Variants in WDR64 observed in about 807,000 individuals in gnomAD.
WDR64 encodes the protein WD repeat domain 64, also known as WD repeat-containing protein 64.
WDR64 carries 112 observed loss-of-function variants against 139.3 expected under a neutral mutation model. The ratio of observed to expected loss-of-function variants is 0.80; its 90% CI spans 0.69 to 0.94. The LOEUF (loss-of-function observed/expected upper bound fraction) is 0.94. WDR64 is among the 40% of genes least tolerant of loss of function. WDR64 has a pLI of 0.00. For missense variants in WDR64, 1,206 were observed against 1,293.1 expected (o/e 0.93, Z 1.03); for synonymous variants, 444 against 437.7 (o/e 1.01, Z -0.18).
At chr1:241,762,241 G>A (rs1019359154) in intron 15 of WDR64, among the ~76,000 whole-genome samples, 2 of 152,104 alleles carry the variant, frequency 1.3e-5, no homozygotes, top group African/African-American at 2.4e-5. Flanking sequence ...CAACATTCAC[G>A]TTGTACATCT....
Position 241,801,117 on chromosome 1 carries a change from C to T in WDR64, c.3193-15C>T, listed in dbSNP as rs367643821. 3 of 1,610,472 alleles carry T rather than the reference C, an allele frequency of 1.9e-6. No homozygotes were observed. Among genetic ancestry groups the T allele is most frequent in the Non-Finnish European group, 2.5e-6 (3 of 1,177,356 alleles). The stretch of plus-strand genomic sequence containing the variant: ...AGAATGCCAGTTACTAACTGACATG[C>T]TCTTTATTTCACAGGCACCACGAAG... On this transcript the variant is annotated splice_polypyrimidine_tract_variant and intron_variant, in intron 27 of 27. Coordinates refer to ENST00000437684, the MANE Select transcript of WDR64 (RefSeq NM_001367482.1).
chr1:241,790,906 G>A (rs749631137), intron 25 of WDR64, among the ~76,000 whole-genome samples: 1 of 152,088 alleles, frequency 6.6e-6, no homozygotes, highest in African/African-American at 2.4e-5. Flanking sequence ...CTATACTGAG[G>A]TGTCACCTGA....
At position 241,671,109 on chromosome 1, in the gene WDR64, T is replaced by G. The variant is rs1247982798; in HGVS notation, c.312T>G (p.Ile104Met). Residue 104 changes from isoleucine (I) to methionine (M), a missense_variant, in exon 3 of 28, where the codon ATT (isoleucine) becomes ATG (methionine). Physicochemically the swap from Ile to Met is conservative, Grantham distance 10. Transcript: ENST00000437684. ...ACTTCTCCTCTGAAGAAGATCCTAT[T>G]GCTTCCCAGTTGGATGAAGAAAATT... ...FGYFSSEEDP[I>M]ASQLDEENLV... 2.6e-6 allele frequency: 4 copies of G among 1,551,140 alleles called. No individual in the cohort carries two copies. Among genetic ancestry groups the G allele is most frequent in the Non-Finnish European group, 2.6e-6 (3 of 1,146,822 alleles).
chr1:241,739,140 G>A (rs138734492), intron 11 of WDR64, among the ~76,000 whole-genome samples: 13 of 152,308 alleles, frequency 8.5e-5, no homozygotes, highest in Non-Finnish European at 1.5e-4. Context: ...TCCCAGTGCT[G>A]ATGCCAACAG....
chr1:241,795,314 G>A (rs766144967), intron 26 of WDR64, 27 bp downstream of exon 26: 2 of 1,595,382 alleles, frequency 1.3e-6, no homozygotes, highest in South Asian at 2.2e-5. Context: ...AGGAGTAGAG[G>A]GGTCACAGAA....
chr1:241,720,665 A>C (rs1668576304), intron 9 of WDR64, among the ~76,000 whole-genome samples: 1 of 151,794 alleles, frequency 6.6e-6, no homozygotes, highest in Non-Finnish European at 1.5e-5. Context: ...TGTTCTAGTA[A>C]ATTTGTTTAA....
rs35435449 is a variant in WDR64 at position 241,790,703 on chromosome 1, TAAAAAA to T, written c.2997+20_2997+25del. On this transcript the variant is annotated splice_region_variant and intron_variant, in intron 25 of 27. Transcript: ENST00000437684. ...GTCTCTTTCTTCTCCTAAGGTAGCT[TAAAAAA>T]AAAAAAAAAAAAGAAATGGCAACAA... 4.0e-5 allele frequency: 51 copies of T among 1,285,076 alleles called. No homozygotes were observed. The highest frequency in any genetic ancestry group is 4.9e-5 in the Non-Finnish European group (46 of 944,576). The allele number at this position is 1,285,076 out of a possible 1,614,324, so 79.6% of individuals were successfully genotyped here.
At chr1:241,670,413 C>T (rs1666181584) in intron 2 of WDR64, among the ~76,000 whole-genome samples, 1 of 151,972 alleles carries the variant, frequency 6.6e-6, no homozygotes, top group Non-Finnish European at 1.5e-5. Flanking sequence ...TGAGAGTGGC[C>T]AAAGTCAGTG....
chr1:241,760,805 G>T (rs1159972417), intron 15 of WDR64, among the ~76,000 whole-genome samples: 1 of 110,786 alleles, frequency 9.0e-6, no homozygotes, highest in Non-Finnish European at 1.7e-5. Context: ...TCACTCTTTC[G>T]CCCAAGCTGG....
rs780642427 is a variant in WDR64, at chr1:241,788,049, T to C, written c.2891+15T>C. 1 of 1,560,984 alleles carries C rather than the reference T, an allele frequency of 6.4e-7. No individual in the cohort carries two copies. The highest frequency in any genetic ancestry group is 8.6e-7 in the Non-Finnish European group (1 of 1,157,918). On this transcript the variant is annotated intron_variant, in intron 24 of 27. Coordinates refer to ENST00000437684, the MANE Select transcript of WDR64 (RefSeq NM_001367482.1). ...GACCGGGAAAAGTAAGACCATTAGC[T>C]CTTCTTTAGATAAGCATACAAGAAT...
intron 8 of WDR64, among the ~76,000 whole-genome samples, chr1:241,695,213 C>T (rs1171274458): frequency 2.0e-5 from 3 of 152,092 alleles, no homozygotes; most frequent in East Asian, 1.9e-4. Context: ...ACTCAAAATA[C>T]GTCACTTCTT....
chr1:241,708,869 A>T (rs1387703119), intron 8 of WDR64, among the ~76,000 whole-genome samples: 1 of 152,054 alleles, frequency 6.6e-6, no homozygotes, highest in Non-Finnish European at 1.5e-5. Flanking sequence ...ATCCAAAGTG[A>T]TTCTGATGCA....
intron 20 of WDR64, among the ~76,000 whole-genome samples, chr1:241,774,623 AAAAT>A (rs1658579292): frequency 6.6e-6 from 1 of 152,344 alleles, no homozygotes; most frequent in East Asian, 1.9e-4. Context: ...CCAGTATTAA[AAAAT>A]AAATATTTCT....
At chr1:241,748,019 T>G (rs1483392863) in intron 13 of WDR64, among the ~76,000 whole-genome samples, 1 of 152,174 alleles carries the variant, frequency 6.6e-6, no homozygotes, top group Non-Finnish European at 1.5e-5. Flanking sequence ...GCTCGTCACA[T>G]GTCACACAGT....
intron 15 of WDR64, among the ~76,000 whole-genome samples, chr1:241,764,465 C>T (rs898294392): frequency 1.3e-5 from 2 of 151,894 alleles, no homozygotes; most frequent in African/African-American, 4.8e-5. Context: ...CCAGCCTGGG[C>T]AACATAGGCC....
chr1:241,725,238 T>A (rs999648393), intron 10 of WDR64, among the ~76,000 whole-genome samples: 1 of 152,010 alleles, frequency 6.6e-6, no homozygotes, highest in Non-Finnish European at 1.5e-5. Context: ...AATAGCTAGA[T>A]GAGTGTGCAA....
intron 7 of WDR64, among the ~76,000 whole-genome samples, chr1:241,686,435 T>C (rs1465922718): frequency 6.6e-6 from 1 of 152,194 alleles, no homozygotes; most frequent in African/African-American, 2.4e-5. Context: ...ATTGTAGAAC[T>C]TTCATGCCTT....
chr1:241,792,284 C>T (rs1659233907), intron 25 of WDR64, among the ~76,000 whole-genome samples: 1 of 152,154 alleles, frequency 6.6e-6, no homozygotes, highest in African/African-American at 2.4e-5. Flanking sequence ...CGCCTGTAAT[C>T]CCAGCATTGT....
chr1:241,705,091 G>GAA (rs1195665668), intron 8 of WDR64, among the ~76,000 whole-genome samples: 3 of 152,196 alleles, frequency 2.0e-5, no homozygotes, highest in African/African-American at 7.2e-5. Flanking sequence ...ATCTACTCCA[G>GAA]AAGAGCCTAA....
Sources: allele counts gnomAD v4.1 joint callset (sites outside exome capture counted in the v4.1 genomes callset), GRCh38; gene constraint gnomAD v4.1.1; transcripts MANE v1.5; gene names NCBI Gene and HGNC (gene_info 2026-07-23, HGNC 2026-07-21).